The following NDUFB2 variants were observed in gnomAD, a reference collection of about 807,000 sequenced individuals.
NDUFB2 encodes NADH:ubiquinone oxidoreductase subunit B2.
NDUFB2 carries 13 observed loss-of-function variants against 13.4 expected under a neutral mutation model. The observed-to-expected ratio is 0.97, with a 90% CI of 0.63 to 1.54. The LOEUF is 1.54. Ranked by LOEUF, NDUFB2 falls within the 40% of genes most tolerant of loss-of-function variation. NDUFB2 has a pLI of 0.00. For missense variants in NDUFB2, 150 were observed against 139.7 expected (o/e 1.07, Z -0.37); for synonymous variants, 47 against 50.6 (o/e 0.93, Z 0.30).
At chr7:140,704,810 C>T (rs138380403) in intron 2 of NDUFB2, 50 bp from the exon 3 acceptor site, 3 of 1,245,976 alleles carry the variant, frequency 2.4e-6, no homozygotes, top group Non-Finnish European at 3.4e-6. Flanking sequence ...TAATTAGTTG[C>T]ACAGAATGTA....
intron 3 of NDUFB2, chr7:140,705,760 C>G (rs2364396): frequency 6.6e-6 from 1 of 152,152 alleles, no homozygotes; most frequent in African/African-American, 2.4e-5. Context: ...GCTTACAGTA[C>G]GTAGCTGCAA....
At chr7:140,702,774 C>A (rs1428112494) in intron 1 of NDUFB2, 92 bp from the exon 2 acceptor site, 3 of 1,375,814 alleles carry the variant, frequency 2.2e-6, no homozygotes, top group African/African-American at 2.9e-5. Context: ...GAAACATTAG[C>A]GTTGGTTCTA....
intron 2 of NDUFB2, 43 bp from the exon 3 acceptor site, chr7:140,704,817 T>C: frequency 7.4e-7 from 1 of 1,344,786 alleles, no homozygotes; most frequent in African/African-American, 1.5e-5. Context: ...TTGCACAGAA[T>C]GTAAATTCTT....
chr7:140,702,988 G>C lies in NDUFB2; in HGVS notation c.221G>C (p.Trp74Ser), dbSNP rs1794917330. ...LMWFWILWRF[W>S]HDSEEVLGHF... is the part of the protein sequence containing the mutation. The stretch of plus-strand genomic sequence containing the variant: ...TGGTTCTGGATTCTCTGGCGCTTTT[G>C]GCATGACTCAGAAGAGGTGCTGGTA... Residue 74 changes from tryptophan to serine, a missense_variant, in exon 2 of 4, where the codon TGG (tryptophan) becomes TCG (serine). Transcript: ENST00000247866. 1.2e-6 allele frequency: 2 copies of C among 1,613,940 alleles called. No homozygotes were observed. The highest frequency in any genetic ancestry group is 1.7e-6 in the Non-Finnish European group (2 of 1,180,018).
intron 1 of NDUFB2, 48 bp from the exon 2 acceptor site, chr7:140,702,818 C>T (rs372717624): frequency 2.8e-5 from 45 of 1,607,278 alleles, no homozygotes; most frequent in Middle Eastern, 3.8e-4. Context: ...GATGACTTAA[C>T]GCTTTGAGAA....
chr7:140,700,591 C>A (rs1280855808), intron 1 of NDUFB2: 1 of 151,594 alleles, frequency 6.6e-6, no homozygotes, highest in Non-Finnish European at 1.5e-5. Flanking sequence ...GAGTTCGAGA[C>A]CAGCCTGGCC....
intron 1 of NDUFB2, chr7:140,700,976 A>G (rs924388621): frequency 6.6e-6 from 1 of 152,234 alleles, no homozygotes; most frequent in African/African-American, 2.4e-5. Context: ...CCTTTTAAAC[A>G]TGATACTTAA....
rs79658946 is a variant in NDUFB2, at chr7:140,704,946, C to T, written c.*12C>T. 6.5e-3 allele frequency: 10,194 copies of T among 1,557,982 alleles called. 262 individuals carry two copies. The East Asian group carries it at 0.065, about 10-fold the overall frequency. On this transcript the variant is annotated 3_prime_UTR_variant, in exon 3 of 4. Coordinates refer to ENST00000247866, the MANE Select transcript of NDUFB2 (RefSeq NM_004546.3). ...ATGATGAAGACTGAAGGTGTAGACTCAGCCTCACTCTGTACAAGTGGGTGT... is the reference window on the plus strand; with the variant it reads ...ATGATGAAGACTGAAGGTGTAGACTTAGCCTCACTCTGTACAAGTGGGTGT...
At chr7:140,701,796 C>A (rs1794902238) in intron 1 of NDUFB2, 1 of 342,552 alleles carries the variant, frequency 2.9e-6, no homozygotes, top group East Asian at 4.7e-5. Context: ...ATTAGCTGGG[C>A]ATGGTGGCGT....
intron 1 of NDUFB2, chr7:140,698,070 T>C: frequency 1.5e-6 from 2 of 1,324,492 alleles, no homozygotes; most frequent in Non-Finnish European, 2.0e-6. Flanking sequence ...GTTGTTGTTA[T>C]TAAGGAACTG....
At chr7:140,704,776 C>G in intron 2 of NDUFB2, 84 bp from the exon 3 acceptor site, 5 of 687,310 alleles carry the variant, frequency 7.3e-6, no homozygotes, top group Non-Finnish European at 8.4e-6. Context: ...TTTTTTTTTT[C>G]TTTCCAAGAT....
chr7:140,703,857 G>A (rs1050763425), intron 2 of NDUFB2, among the ~76,000 whole-genome samples: 2 of 152,134 alleles, frequency 1.3e-5, no homozygotes, highest in Non-Finnish European at 2.9e-5. Flanking sequence ...CTGGGTTCAC[G>A]CCATTCTCTT....
In NDUFB2 at chr7:140,697,293, C is replaced by T. The variant is rs1037627486; in HGVS notation, c.98+451C>T. The stretch of plus-strand genomic sequence containing the variant: ...GGAATTTAGGGTAGAGTCTGTTCGG[C>T]AGCCTTTAATCGGAGACGTCACGTG... On this transcript the variant is annotated intron_variant, in intron 1 of 3. Coordinates refer to ENST00000247866, the MANE Select transcript of NDUFB2 (RefSeq NM_004546.3). 5.7e-5 allele frequency: 40 copies of T among 702,640 alleles called. No homozygotes were observed. In the African/African-American group the frequency reaches 5.9e-4, roughly 10 times the overall value. The allele number at this position is 702,640 out of a possible 1,614,324, so 43.5% of individuals were successfully genotyped here. A position where few individuals can be genotyped will look rare whatever the true frequency, so the allele number is the denominator to read the frequency against.
At position 140,696,740 on chromosome 7, in the gene NDUFB2, C is replaced by T. The variant is rs1426912427; in HGVS notation, c.-5C>T. The stretch of plus-strand genomic sequence containing the variant: ...CTGGGGACCGCGGGGCGGACGGGAG[C>T]GAGTATGTCCGCTCTGACTCGGCTG... On this transcript the variant is annotated 5_prime_UTR_variant, in exon 1 of 4. Coordinates refer to ENST00000247866, the MANE Select transcript of NDUFB2 (RefSeq NM_004546.3). The T allele has an allele frequency of 1.9e-6, 3 of 1,585,232 alleles. No homozygotes were observed. The highest frequency in any genetic ancestry group is 2.3e-5 in the East Asian group (1 of 42,874).
Position 140,702,857 on chromosome 7 carries a change from G to A in NDUFB2, c.99-9G>A. 4 of 1,613,912 alleles carry A rather than the reference G, an allele frequency of 2.5e-6. No individual in the cohort carries two copies. Among genetic ancestry groups the A allele is most frequent in the Non-Finnish European group, 3.4e-6 (4 of 1,179,932 alleles). On this transcript the variant is annotated splice_polypyrimidine_tract_variant and intron_variant, in intron 1 of 3. Coordinates refer to ENST00000247866, the MANE Select transcript of NDUFB2 (RefSeq NM_004546.3). ...AGCACGCTGTCTGCCATGTTGTTTTGTCTTGCAGTGCCGGTGGTGGTGTGC... is the reference window on the plus strand; with the variant it reads ...AGCACGCTGTCTGCCATGTTGTTTTATCTTGCAGTGCCGGTGGTGGTGTGC...
chr7:140,698,710 C>T (rs1407541913), intron 1 of NDUFB2, among the ~76,000 whole-genome samples: 3 of 151,776 alleles, frequency 2.0e-5, no homozygotes, highest in Non-Finnish European at 2.9e-5. Flanking sequence ...TGGAGTGGAG[C>T]GTAGGGGAAG....
rs1794811106 is a variant in NDUFB2, at chr7:140,696,738, A to G, written c.-7A>G. Reference sequence around the variant, plus strand: ...GGCTGGGGACCGCGGGGCGGACGGGAGCGAGTATGTCCGCTCTGACTCGGC... The same window carrying G: ...GGCTGGGGACCGCGGGGCGGACGGGGGCGAGTATGTCCGCTCTGACTCGGC... On this transcript the variant is annotated 5_prime_UTR_variant, in exon 1 of 4. Transcript: ENST00000247866. 6.3e-7 allele frequency: 1 copy of G among 1,583,374 alleles called. No homozygotes were observed. Among genetic ancestry groups the G allele is most frequent in the Non-Finnish European group, 8.6e-7 (1 of 1,166,038 alleles).
intron 1 of NDUFB2, chr7:140,702,494 C>A: frequency 4.2e-6 from 1 of 238,604 alleles, no homozygotes; most frequent in South Asian, 1.0e-4. Flanking sequence ...AAATAGATAG[C>A]TAAACAAAGC....
intron 1 of NDUFB2, chr7:140,701,995 T>C: frequency 1.4e-6 from 1 of 698,416 alleles, no homozygotes; most frequent in Non-Finnish European, 2.6e-6. Context: ...CACTGCCCTG[T>C]TACTGTTCAC....
Sources: allele counts gnomAD v4.1 joint callset (sites outside exome capture counted in the v4.1 genomes callset), GRCh38; gene constraint gnomAD v4.1.1; transcripts MANE v1.5; gene names NCBI Gene and HGNC (gene_info 2026-07-23, HGNC 2026-07-21).